The following LUZP2 variants were observed in gnomAD, a reference collection of about 807,000 sequenced individuals.
LUZP2 encodes the protein leucine zipper protein 2.
Under a neutral mutation model 51.6 loss-of-function variants are expected in LUZP2, and 52 were observed. The ratio of observed to expected loss-of-function variants is 1.01; its 90% CI spans 0.81 to 1.27. The LOEUF (loss-of-function observed/expected upper bound fraction) is 1.27. LUZP2 is among the 50% of genes most tolerant of loss of function. The pLI is 0.00. For synonymous variants in LUZP2, 154 were observed against 137.3 expected (o/e 1.12, Z -0.85); for missense variants, 436 against 395.4 (o/e 1.10, Z -0.87).
At chr11:24,907,313 A>AC (rs1303872394) in intron 6 of LUZP2, among the ~76,000 whole-genome samples, 1 of 151,752 alleles carries the variant, frequency 6.6e-6, no homozygotes, top group Admixed American at 6.6e-5. Flanking sequence ...AAAAAAAAAA[A>AC]AACATTAACA....
At chr11:24,948,814 A>ATCTG (rs34040108) in intron 7 of LUZP2, among the ~76,000 whole-genome samples, 3 of 64,526 alleles carry the variant, frequency 4.6e-5, no homozygotes, top group East Asian at 2.1e-3. Context: ...CTATCTATCT[A>ATCTG]TCTATCTATC....
intron 5 of LUZP2, among the ~76,000 whole-genome samples, chr11:24,848,049 A>C (rs1000053773): frequency 6.6e-6 from 1 of 152,074 alleles, no homozygotes; most frequent in Non-Finnish European, 1.5e-5. Flanking sequence ...CGGTAATTTT[A>C]GTAGGAGAGA....
chr11:24,778,667 A>G (rs1183428895), intron 5 of LUZP2, among the ~76,000 whole-genome samples: 1 of 152,150 alleles, frequency 6.6e-6, no homozygotes, highest in Non-Finnish European at 1.5e-5. Flanking sequence ...AAGGAACATA[A>G]AAAGGAAGAA....
At chr11:24,942,286 A>G (rs1048909812) in intron 7 of LUZP2, among the ~76,000 whole-genome samples, 3 of 152,162 alleles carry the variant, frequency 2.0e-5, no homozygotes, top group African/African-American at 2.4e-5. Context: ...AAAATTGCCA[A>G]TTATCCTCTA....
chr11:24,992,759 T>C (rs1196940831), intron 9 of LUZP2, among the ~76,000 whole-genome samples: 1 of 152,146 alleles, frequency 6.6e-6, no homozygotes, highest in African/African-American at 2.4e-5. Context: ...CAAGACATTG[T>C]GACATACAAG....
chr11:24,966,062 T>C (rs1348829544), intron 7 of LUZP2, among the ~76,000 whole-genome samples: 1 of 151,810 alleles, frequency 6.6e-6, no homozygotes, highest in East Asian at 1.9e-4. Flanking sequence ...GAAGTGGTTT[T>C]TCATTGTAGT....
intron 5 of LUZP2, among the ~76,000 whole-genome samples, chr11:24,862,181 C>T (rs529940896): frequency 6.6e-6 from 1 of 152,154 alleles, no homozygotes; most frequent in Non-Finnish European, 1.5e-5. Context: ...GGAAGCCCAT[C>T]AGACTAACAG....
intron 9 of LUZP2, among the ~76,000 whole-genome samples, chr11:25,041,490 C>T (rs1355838120): frequency 1.3e-5 from 2 of 152,050 alleles, no homozygotes; most frequent in Non-Finnish European, 2.9e-5. Context: ...GTTACTTCAT[C>T]TTGGTCAGAA....
intron 7 of LUZP2, among the ~76,000 whole-genome samples, chr11:24,957,133 G>A (rs920855880): frequency 6.6e-6 from 1 of 152,044 alleles, no homozygotes; most frequent in East Asian, 1.9e-4. Flanking sequence ...TTAAACTGTT[G>A]GAGTGAAAGT....
At chr11:24,770,043 C>T (rs1177429954) in intron 5 of LUZP2, among the ~76,000 whole-genome samples, 3 of 152,202 alleles carry the variant, frequency 2.0e-5, no homozygotes, top group Non-Finnish European at 2.9e-5. Context: ...ATCTGCCCAC[C>T]TCAGGCTCCC....
At chr11:24,849,073 T>A (rs905736420) in intron 5 of LUZP2, among the ~76,000 whole-genome samples, 30 of 152,194 alleles carry the variant, frequency 2.0e-4, no homozygotes, top group African/African-American at 7.2e-4. Context: ...TACTCAGCAT[T>A]TTTTCATTTA....
chr11:24,741,043 G>A (rs1335573942), intron 4 of LUZP2, among the ~76,000 whole-genome samples: 2 of 152,052 alleles, frequency 1.3e-5, no homozygotes, highest in Non-Finnish European at 2.9e-5. Context: ...ATGACAGAAT[G>A]CATACCTAAT....
chr11:24,924,151 C>G (rs922195541), intron 7 of LUZP2, among the ~76,000 whole-genome samples: 2 of 151,412 alleles, frequency 1.3e-5, no homozygotes, highest in African/African-American at 2.4e-5. Context: ...GATCTCGGCT[C>G]ACTGCAACCT....
At chr11:24,926,615 A>G (rs937008454) in intron 7 of LUZP2, among the ~76,000 whole-genome samples, 13 of 143,248 alleles carry the variant, frequency 9.1e-5, no homozygotes, top group Admixed American at 2.9e-4. Context: ...GTATATATGT[A>G]TATATATATG....
At chr11:24,842,949 A>C (rs2134203990) in intron 5 of LUZP2, among the ~76,000 whole-genome samples, 1 of 152,048 alleles carries the variant, frequency 6.6e-6, no homozygotes, top group African/African-American at 2.4e-5. Context: ...GAAAGCAAGG[A>C]GTATAAGCAT....
intron 1 of LUZP2, among the ~76,000 whole-genome samples, chr11:24,668,033 G>A (rs1028423079): frequency 1.3e-5 from 2 of 152,206 alleles, no homozygotes; most frequent in African/African-American, 2.4e-5. Context: ...GGTAAGTGCT[G>A]TAATAAAGAC....
At chr11:24,662,810 A>G (rs561759773) in intron 1 of LUZP2, among the ~76,000 whole-genome samples, 2 of 152,248 alleles carry the variant, frequency 1.3e-5, no homozygotes, top group Admixed American at 6.5e-5. Flanking sequence ...TTATTTGTCA[A>G]AATGGTAATC....
At chr11:24,594,259 T>C (rs1162670925) in intron 1 of LUZP2, among the ~76,000 whole-genome samples, 1 of 152,188 alleles carries the variant, frequency 6.6e-6, no homozygotes, top group Non-Finnish European at 1.5e-5. Flanking sequence ...TTCTGGAATA[T>C]GTCAATGACT....
intron 9 of LUZP2, among the ~76,000 whole-genome samples, chr11:25,034,606 A>C (rs2133996485): frequency 6.6e-6 from 1 of 152,182 alleles, no homozygotes; most frequent in South Asian, 2.1e-4. Context: ...TATATTGTGA[A>C]AGGTAGGGGT....
Sources: allele counts gnomAD v4.1 joint callset (sites outside exome capture counted in the v4.1 genomes callset), GRCh38; gene constraint gnomAD v4.1.1; transcripts MANE v1.5; gene names NCBI Gene and HGNC (gene_info 2026-07-23, HGNC 2026-07-21).